The following CCDC146 variants were observed in gnomAD, a reference collection of about 807,000 sequenced individuals.
CCDC146 encodes coiled-coil domain-containing protein 146.
Under a neutral mutation model 119.3 loss-of-function variants are expected in CCDC146, and 92 were observed. The ratio of observed to expected loss-of-function variants is 0.77; its 90% CI spans 0.65 to 0.92. The LOEUF is 0.92. Among genes scored for constraint, CCDC146 ranks in the 40% least tolerant of loss-of-function variants. CCDC146 has a pLI of 0.00. For missense variants in CCDC146, 1,000 were observed against 1,103.0 expected, an observed-to-expected ratio of 0.91 and a Z score of 1.32; for synonymous variants, 372 against 371.8, an observed-to-expected ratio of 1.00 and a Z score of -0.01.
At chr7:77,143,550 G>T (rs1344617091) in intron 1 of CCDC146, among the ~76,000 whole-genome samples, 1 of 151,966 alleles carries the variant, frequency 6.6e-6, no homozygotes, top group Non-Finnish European at 1.5e-5. Context: ...ATGGTTTTAG[G>T]TCTAACATTT....
chr7:77,157,877 C>T lies in CCDC146; in HGVS notation c.-11-9781C>T, dbSNP rs71215201. On this transcript the variant is annotated intron_variant, in intron 1 of 18. Coordinates refer to ENST00000285871, the MANE Select transcript of CCDC146 (RefSeq NM_020879.3). The stretch of plus-strand genomic sequence containing the variant: ...TAACTTGTCTTGCTGCCAGTCTCTG[C>T]GTCCCCTAAGGTCAGGAACCTTGTC... Among the ~76,000 whole-genome samples, 116 of 152,302 alleles carry T rather than the reference C, an allele frequency of 7.6e-4. 2 individuals carry two copies. The East Asian group carries it at 0.019, about 26-fold the overall frequency.
At chr7:77,261,078 A>T in intron 8 of CCDC146, among the ~76,000 whole-genome samples, 2 of 151,274 alleles carry the variant, frequency 1.3e-5, no homozygotes, top group African/African-American at 2.4e-5. Context: ...TTTACAATTT[A>T]TGATTCCAAC....
intron 2 of CCDC146, chr7:77,199,417 C>T (rs764310439): frequency 1.2e-6 from 2 of 1,614,168 alleles, no homozygotes. Flanking sequence ...TCTGTTATCA[C>T]CAACCTCTCC....
chr7:77,193,907 A>C (rs1245854770), intron 2 of CCDC146: 1 of 152,578 alleles, frequency 6.6e-6, no homozygotes, highest in East Asian at 1.9e-4. Flanking sequence ...AGTTAAGGCA[A>C]AAGGTTCTAG....
Position 77,267,457 on chromosome 7 carries a change from G to T in CCDC146, c.1173+5150G>T, listed in dbSNP as rs570135437. On this transcript the variant is annotated intron_variant, in intron 9 of 18. Transcript: ENST00000285871. ...GCTGTTTCTTCAGCCAGTTCTTTTG[G>T]TATATCTTCATACCCCAAGTAACAT... Among the ~76,000 whole-genome samples the T allele has an allele frequency of 7.3e-5, 11 of 151,640 alleles. No homozygotes were observed. The South Asian group carries it at 2.3e-3, about 32-fold the overall frequency.
At chr7:77,218,875 A>G (rs1210671323) in intron 2 of CCDC146, among the ~76,000 whole-genome samples, 2 of 151,916 alleles carry the variant, frequency 1.3e-5, no homozygotes, top group African/African-American at 2.4e-5. Context: ...CCTGGCCCCA[A>G]TTTTTGAGTG....
At chr7:77,267,225 T>A (rs999058669) in intron 9 of CCDC146, among the ~76,000 whole-genome samples, 1 of 152,076 alleles carries the variant, frequency 6.6e-6, no homozygotes, top group Non-Finnish European at 1.5e-5. Context: ...ACTCCTGACC[T>A]CAGGTGATCC....
Position 77,280,623 on chromosome 7 carries a change from A to G in CCDC146, c.1889A>G (p.Tyr630Cys), listed in dbSNP as rs1793745338. Residue 630 changes from tyrosine to cysteine, a missense_variant, in exon 14 of 19, where the codon TAC becomes TGC. Physicochemically the swap from Tyr to Cys is radical, Grantham distance 194. Around this residue, in one of 2 missense-constraint regions of CCDC146, gnomAD observed 985 missense variants for 1,045.3 expected, o/e 0.94. Transcript: ENST00000285871. ...EEEMVQLRKR[Y>C]EKAVQHRNES... ...GAGATGGTGCAGCTTCGCAAAAGAT[A>G]CGAAAAAGCTGTTCAGCATCGAAAT... The G allele has an allele frequency of 6.2e-7, 1 of 1,613,598 alleles. No individual in the cohort carries two copies. Among genetic ancestry groups the G allele is most frequent in the South Asian group, 1.1e-5 (1 of 90,916 alleles).
chr7:77,167,248 A>G (rs547760517), intron 1 of CCDC146, among the ~76,000 whole-genome samples: 1 of 152,304 alleles, frequency 6.6e-6, no homozygotes, highest in East Asian at 1.9e-4. Context: ...AGAAATATGT[A>G]CAATGTATAG....
intron 4 of CCDC146, among the ~76,000 whole-genome samples, chr7:77,250,790 T>G (rs1025514835): frequency 6.6e-6 from 1 of 151,826 alleles, no homozygotes; most frequent in African/African-American, 2.4e-5. Flanking sequence ...CTTTTGTAGT[T>G]GTCCCAGAGT....
chr7:77,192,950 A>G (rs1362567851), intron 2 of CCDC146, among the ~76,000 whole-genome samples: 2 of 152,066 alleles, frequency 1.3e-5, no homozygotes, highest in Admixed American at 6.6e-5. Flanking sequence ...AATAATAAAA[A>G]AAAAGAAAAG....
At position 77,246,756 on chromosome 7, in the gene CCDC146, G is replaced by A. The variant is rs902324450; in HGVS notation, c.449+4856G>A. 2.6e-5 allele frequency among the ~76,000 whole-genome samples: 4 copies of A among 152,144 alleles called. No homozygotes were observed. The East Asian group carries it at 7.7e-4, about 29-fold the overall frequency. ...GTTACTGAACCTCTGTAGTCAGAGC[G>A]GTATTTGTGTGTCAGTTTAGCTTTG... On this transcript the variant is annotated intron_variant, in intron 4 of 18. Coordinates refer to ENST00000285871, the MANE Select transcript of CCDC146 (RefSeq NM_020879.3).
intron 13 of CCDC146, among the ~76,000 whole-genome samples, chr7:77,279,855 A>G (rs1328124436): frequency 6.6e-6 from 1 of 152,254 alleles, no homozygotes; most frequent in African/African-American, 2.4e-5. Context: ...TAAACAGTAC[A>G]CGATCAGGGT....
intron 2 of CCDC146, among the ~76,000 whole-genome samples, chr7:77,219,116 A>G (rs540406819): frequency 2.0e-5 from 3 of 152,322 alleles, no homozygotes; most frequent in South Asian, 2.1e-4. Flanking sequence ...GTTATAAACT[A>G]TCAGTAACAA....
chr7:77,133,259 C>T (rs898511405), intron 1 of CCDC146, among the ~76,000 whole-genome samples: 37 of 152,314 alleles, frequency 2.4e-4, no homozygotes, highest in African/African-American at 8.4e-4. Context: ...CCTCCTCCAA[C>T]AACAGGCATC....
intron 3 of CCDC146, among the ~76,000 whole-genome samples, chr7:77,240,346 T>C (rs10281838): frequency 0.028 from 4,311 of 152,326 alleles, 197 homozygotes; most frequent in African/African-American, 0.098. Flanking sequence ...TTCTTGAAGC[T>C]AGGAGCTAAG....
At chr7:77,141,166 G>A (rs1238602188) in intron 1 of CCDC146, among the ~76,000 whole-genome samples, 1 of 152,138 alleles carries the variant, frequency 6.6e-6, no homozygotes, top group Non-Finnish European at 1.5e-5. Flanking sequence ...GAGGACATGT[G>A]ATGTTTAGTT....
chr7:77,189,926 C>G (rs1008282529), intron 2 of CCDC146, among the ~76,000 whole-genome samples: 1 of 152,170 alleles, frequency 6.6e-6, no homozygotes, highest in Non-Finnish European at 1.5e-5. Context: ...CTCCCTTACT[C>G]TCCTTAATTT....
chr7:77,236,639 GT>G (rs769431773), intron 2 of CCDC146, among the ~76,000 whole-genome samples: 1 of 152,182 alleles, frequency 6.6e-6, no homozygotes, highest in Non-Finnish European at 1.5e-5. Context: ...TATTCAGATT[GT>G]TTGTTAAACC....
Sources: allele counts gnomAD v4.1 joint callset (sites outside exome capture counted in the v4.1 genomes callset), GRCh38; gene constraint gnomAD v4.1.1; regional missense constraint gnomAD v4.1.1; transcripts MANE v1.5; gene names NCBI Gene and HGNC (gene_info 2026-07-23, HGNC 2026-07-21).